PCDH15: variants seen among roughly 807,000 people sequenced by gnomAD.
The protein encoded by PCDH15 is protocadherin related 15.
A neutral mutation model predicts 178.5 loss-of-function variants in PCDH15; 129 were observed. The ratio of observed to expected loss-of-function variants is 0.72; its 90% confidence interval spans 0.63 to 0.84. The LOEUF (loss-of-function observed/expected upper bound fraction) is 0.84, where lower values mean the gene tolerates loss of function less well. PCDH15 is among the 40% of genes least tolerant of loss of function. The probability of loss-of-function intolerance (pLI) is 0.00; values close to 1 mark genes in which losing one functional copy is unlikely to be tolerated. For synonymous variants in PCDH15, 800 were observed against 732.0 expected (o/e 1.09, Z -1.50); for missense variants, 2,230 against 2,099.9 (o/e 1.06, Z -1.21).
intron 2 of PCDH15, among the ~76,000 whole-genome samples, chr10:55,588,299 C>G (rs1161504137): frequency 1.3e-5 from 2 of 152,072 alleles, no homozygotes; most frequent in African/African-American, 4.8e-5. Context: ...GGTACCAAAC[C>G]CACAAACTTC....
intron 3 of PCDH15, among the ~76,000 whole-genome samples, chr10:54,859,465 AT>A (rs1240932268): frequency 2.0e-5 from 3 of 152,002 alleles, no homozygotes; most frequent in African/African-American, 7.2e-5. Flanking sequence ...TCTTTTTCCT[AT>A]AAAACTTTTT....
chr10:55,464,902 G>GA (rs71014492), intron 2 of PCDH15, among the ~76,000 whole-genome samples: 88 of 139,906 alleles, frequency 6.3e-4, no homozygotes, highest in Admixed American at 3.7e-3. Flanking sequence ...TGCTTAAATT[G>GA]AAAAAAAAAA....
rs928167583 is a variant in PCDH15, at chr10:55,599,873, T to C, written c.-156+27752A>G. 8 of 1,444,588 alleles carry C rather than the reference T, an allele frequency of 5.5e-6. No individual in the cohort carries two copies. In the African/African-American group the frequency reaches 1.0e-4, roughly 18 times the overall value. 89.5% of individuals were successfully genotyped at this position (1,444,588 alleles called of 1,614,324 possible). A position where few individuals can be genotyped will look rare whatever the true frequency, so the allele number is the denominator to read the frequency against. ...GAACTTGCAAAGGTAGCATAATCAC[T>C]TGTTCCCTAAGTAGGGACTTGTATG... On this transcript the variant is annotated intron_variant, in intron 2 of 5. Coordinates refer to the PCDH15 transcript ENST00000613346.
At chr10:53,966,950 C>G (rs1273596610) in intron 21 of PCDH15, among the ~76,000 whole-genome samples, 4 of 151,938 alleles carry the variant, frequency 2.6e-5, no homozygotes, top group African/African-American at 7.3e-5. Context: ...GTCACCCAGG[C>G]TGATGTGCAG....
In PCDH15 at chr10:53,820,083, A is replaced by T. The variant is rs1246590036; in HGVS notation, c.4433+82T>A. ...TTATAGATTTATCAAGAAATTATAA[A>T]TTTTACATTTGCAAAAAGCTGGTGT... On this transcript the variant is annotated intron_variant, in intron 33 of 37. Coordinates refer to ENST00000644397, the MANE Select transcript of PCDH15 (RefSeq NM_001384140.1). The T allele has an allele frequency of 2.8e-5, 11 of 396,016 alleles. 1 individual carries two copies. The highest frequency in any genetic ancestry group is 4.5e-5 in the Non-Finnish European group (10 of 224,254). 24.5% of individuals were successfully genotyped at this position (396,016 alleles called of 1,614,324 possible).
chr10:53,821,483 A>C (rs913180683), intron 32 of PCDH15: 1 of 1,022,284 alleles, frequency 9.8e-7, no homozygotes, highest in Non-Finnish European at 1.2e-6. Flanking sequence ...GAACATTCAT[A>C]TAAAACTACG....
intron 2 of PCDH15, among the ~76,000 whole-genome samples, chr10:54,624,482 A>G (rs2093480976): frequency 6.6e-6 from 1 of 152,244 alleles, no homozygotes; most frequent in Non-Finnish European, 1.5e-5. Flanking sequence ...AAGATACTGC[A>G]GTAGGGAAGA....
intron 3 of PCDH15, among the ~76,000 whole-genome samples, chr10:54,403,003 G>A (rs1952133515): frequency 6.6e-6 from 1 of 152,010 alleles, no homozygotes; most frequent in South Asian, 2.1e-4. Flanking sequence ...TAGACATCGT[G>A]CATCCAACAG....
intron 1 of PCDH15, among the ~76,000 whole-genome samples, chr10:54,796,811 T>A (rs866860671): frequency 2.6e-5 from 4 of 152,150 alleles, no homozygotes; most frequent in Admixed American, 1.3e-4. Flanking sequence ...AGATGTAAGA[T>A]TCTAAAGTAA....
At chr10:55,556,406 G>A (rs1009530939) in intron 2 of PCDH15, among the ~76,000 whole-genome samples, 2 of 152,150 alleles carry the variant, frequency 1.3e-5, no homozygotes, top group African/African-American at 2.4e-5. Flanking sequence ...TGCTCTTCAA[G>A]ATGCTTATGC....
chr10:54,582,115 A>T (rs973255304), intron 2 of PCDH15, among the ~76,000 whole-genome samples: 1 of 152,108 alleles, frequency 6.6e-6, no homozygotes, highest in Non-Finnish European at 1.5e-5. Context: ...ATATAAAAAA[A>T]TTTTAAAAAG....
chr10:54,909,698 C>T (rs1390340240), intron 2 of PCDH15, among the ~76,000 whole-genome samples: 1 of 152,072 alleles, frequency 6.6e-6, no homozygotes, highest in Non-Finnish European at 1.5e-5. Context: ...TCCCAGCTCC[C>T]AGAGCACAGG....
intron 3 of PCDH15, among the ~76,000 whole-genome samples, chr10:54,809,416 G>T (rs1444996863): frequency 2.0e-5 from 3 of 151,618 alleles, no homozygotes; most frequent in African/African-American, 7.3e-5. Context: ...CAAAAAATGA[G>T]ACCGTTTAAA....
chr10:53,964,928 A>G (rs1171618692), intron 21 of PCDH15, among the ~76,000 whole-genome samples: 1 of 152,146 alleles, frequency 6.6e-6, no homozygotes, highest in Admixed American at 6.5e-5. Flanking sequence ...CTTTGCTTGC[A>G]TTTGAATAAT....
intron 1 of PCDH15, among the ~76,000 whole-genome samples, chr10:54,693,829 G>T (rs1317151452): frequency 1.3e-5 from 2 of 152,110 alleles, no homozygotes; most frequent in Non-Finnish European, 2.9e-5. Flanking sequence ...TTCAGTGATT[G>T]CCAATCAGCC....
At chr10:55,413,369 TA>T (rs1428898658) in intron 2 of PCDH15, among the ~76,000 whole-genome samples, 2 of 151,708 alleles carry the variant, frequency 1.3e-5, no homozygotes, top group African/African-American at 4.8e-5. Flanking sequence ...TTAAATATTT[TA>T]AATAAAATGT....
At chr10:54,525,837 A>C (rs371072059) in intron 3 of PCDH15, among the ~76,000 whole-genome samples, 4 of 152,230 alleles carry the variant, frequency 2.6e-5, no homozygotes, top group Non-Finnish European at 5.9e-5. Flanking sequence ...TTTCCCTTAG[A>C]TTTTTAAGAC....
At chr10:55,582,628 A>ATATATATATATATATATATATT (rs780312007) in intron 2 of PCDH15, among the ~76,000 whole-genome samples, 1 of 69,032 alleles carries the variant, frequency 1.4e-5, no homozygotes, top group African/African-American at 6.6e-5. Flanking sequence ...ATATATATAT[A>ATATATATATATATATATATATT]TTTTTTTTTT....
intron 2 of PCDH15, among the ~76,000 whole-genome samples, chr10:55,363,161 C>G (rs1490008904): frequency 6.6e-6 from 1 of 152,114 alleles, no homozygotes; most frequent in East Asian, 1.9e-4. Context: ...TCCTAGAGAC[C>G]TATCCAAGAG....
Sources: allele counts gnomAD v4.1 joint callset (sites outside exome capture counted in the v4.1 genomes callset), GRCh38; gene constraint gnomAD v4.1.1; transcripts MANE v1.5; gene names NCBI Gene and HGNC (gene_info 2026-07-23, HGNC 2026-07-21).